BACH2: variants seen among roughly 807,000 people sequenced by gnomAD.
The protein encoded by BACH2 is transcription regulator protein BACH2.
BACH2 carries 5 observed loss-of-function variants against 61.8 expected under a neutral mutation model. The ratio of observed to expected loss-of-function variants is 0.08; its 90% CI spans 0.04 to 0.17. BACH2 has a LOEUF of 0.17. Ranked by LOEUF, BACH2 falls within the 10% of genes least tolerant of loss-of-function variation. The pLI is 1.00. For missense variants in BACH2, 824 were observed against 1,091.1 expected (o/e 0.76, Z 3.45); for synonymous variants, 446 against 440.1 (o/e 1.01, Z -0.17).
At chr6:90,277,177 T>C (rs1473329052) in intron 1 of BACH2, among the ~76,000 whole-genome samples, 1 of 152,216 alleles carries the variant, frequency 6.6e-6, no homozygotes, top group East Asian at 1.9e-4. Context: ...CAAATAATTA[T>C]GTTGTTCACC....
intron 4 of BACH2, among the ~76,000 whole-genome samples, chr6:90,160,915 C>G (rs1401404069): frequency 3.3e-5 from 5 of 151,938 alleles, no homozygotes; most frequent in Non-Finnish European, 7.4e-5. Context: ...ATGGTGAAAC[C>G]CCATCTTTAC....
chr6:90,178,364 C>T, intron 4 of BACH2, among the ~76,000 whole-genome samples: 1 of 152,198 alleles, frequency 6.6e-6, no homozygotes, highest in African/African-American at 2.4e-5. Flanking sequence ...ACAGCTGAAT[C>T]CTACAGCTGT....
chr6:90,156,639 T>C (rs1405261439), intron 4 of BACH2, among the ~76,000 whole-genome samples: 2 of 152,160 alleles, frequency 1.3e-5, no homozygotes, highest in Non-Finnish European at 2.9e-5. Context: ...TCAGGTGGTC[T>C]TTACTTAGGG....
At chr6:90,100,702 G>GACACACACACACAC (rs372719418) in intron 4 of BACH2, among the ~76,000 whole-genome samples, 4 of 64,252 alleles carry the variant, frequency 6.2e-5, no homozygotes, top group Non-Finnish European at 1.3e-4. Context: ...CACACACACA[G>GACACACACACACAC]ACACACACAC....
At chr6:90,153,798 A>G (rs1784903437) in intron 4 of BACH2, among the ~76,000 whole-genome samples, 1 of 152,226 alleles carries the variant, frequency 6.6e-6, no homozygotes. Context: ...AACCTAGAGA[A>G]AATAATTCTT....
intron 3 of BACH2, among the ~76,000 whole-genome samples, chr6:90,210,524 T>C (rs1769310342): frequency 6.6e-6 from 1 of 152,150 alleles, no homozygotes; most frequent in Non-Finnish European, 1.5e-5. Context: ...TTGCAGCCAA[T>C]TCAGTTTATG....
chr6:90,092,291 A>AAAAAAAAAAAAAAAATATATAT, intron 4 of BACH2, among the ~76,000 whole-genome samples: 35 of 113,798 alleles, frequency 3.1e-4, no homozygotes, highest in African/African-American at 7.5e-4. Context: ...AAAAAAAAAA[A>AAAAAAAAAAAAAAAATATATAT]ATATATATAT....
intron 4 of BACH2, among the ~76,000 whole-genome samples, chr6:90,105,902 C>T (rs1170298038): frequency 2.0e-5 from 3 of 152,174 alleles, no homozygotes; most frequent in Non-Finnish European, 4.4e-5. Context: ...TCCCACATTA[C>T]AACTACAGAT....
chr6:90,233,939 T>C (rs529739833), intron 3 of BACH2, among the ~76,000 whole-genome samples: 1 of 152,292 alleles, frequency 6.6e-6, no homozygotes, highest in Admixed American at 6.5e-5. Context: ...ACCCTCACTG[T>C]CGGCATGTTC....
At chr6:90,295,661 G>C (rs928887309) in intron 1 of BACH2, among the ~76,000 whole-genome samples, 1 of 151,234 alleles carries the variant, frequency 6.6e-6, no homozygotes, top group African/African-American at 2.4e-5. Flanking sequence ...TAGGGTGTGT[G>C]TGTGTGTGTG....
At chr6:90,264,866 G>A (rs1771274581) in intron 2 of BACH2, among the ~76,000 whole-genome samples, 1 of 152,188 alleles carries the variant, frequency 6.6e-6, no homozygotes. Context: ...TAGATTCAAA[G>A]CACCCTCATG....
At chr6:90,141,179 T>C (rs982575955) in intron 4 of BACH2, among the ~76,000 whole-genome samples, 2 of 152,158 alleles carry the variant, frequency 1.3e-5, no homozygotes, top group African/African-American at 2.4e-5. Context: ...CATTTTTTTT[T>C]CCAACTGCTC....
At chr6:89,937,267 T>C (rs538670359) in intron 8 of BACH2, among the ~76,000 whole-genome samples, 1 of 152,150 alleles carries the variant, frequency 6.6e-6, no homozygotes, top group South Asian at 2.1e-4. Flanking sequence ...CAGGTAGGCG[T>C]CCTATCTCTA....
intron 4 of BACH2, among the ~76,000 whole-genome samples, chr6:90,177,967 A>C (rs1259201978): frequency 6.6e-6 from 1 of 152,194 alleles, no homozygotes; most frequent in African/African-American, 2.4e-5. Flanking sequence ...GAAAATGTCC[A>C]CTTTTGTTCT....
intron 4 of BACH2, among the ~76,000 whole-genome samples, chr6:90,102,778 G>A (rs938529322): frequency 3.5e-5 from 5 of 140,898 alleles, no homozygotes; most frequent in South Asian, 2.2e-4. Context: ...CAACAAGAGC[G>A]AAACTCCATT....
intron 4 of BACH2, among the ~76,000 whole-genome samples, chr6:90,162,635 C>T (rs1767443353): frequency 1.3e-5 from 2 of 151,952 alleles, no homozygotes; most frequent in Admixed American, 1.3e-4. Context: ...GAGCAAGAAC[C>T]CTGTTTCAAA....
intron 1 of BACH2, among the ~76,000 whole-genome samples, chr6:90,291,220 A>G (rs1772166789): frequency 6.6e-6 from 1 of 152,186 alleles, no homozygotes; most frequent in African/African-American, 2.4e-5. Context: ...TGTAGTTCCA[A>G]TGACTAGAAT....
At chr6:89,976,742 A>G (rs1451815959) in intron 6 of BACH2, among the ~76,000 whole-genome samples, 3 of 152,176 alleles carry the variant, frequency 2.0e-5, no homozygotes, top group Non-Finnish European at 4.4e-5. Flanking sequence ...ATCATATAAA[A>G]TCTCTATTAC....
chr6:89,932,481 A>C lies in BACH2; in HGVS notation c.2453T>G (p.Val818Gly). 1 of 1,614,002 alleles carries C rather than the reference A, an allele frequency of 6.2e-7. No homozygotes were observed. The highest frequency in any genetic ancestry group is 8.5e-7 in the Non-Finnish European group (1 of 1,180,008). Residue 818 changes from valine (V) to glycine (G), a missense_variant, in exon 9 of 9, where the codon GTG becomes GGG. By Grantham distance (109) the Val-to-Gly change is moderately radical. Around this residue, in one of 8 missense-constraint regions of BACH2, gnomAD observed 135 missense variants for 142.7 expected, o/e 0.95. Transcript: ENST00000257749. Reference protein sequence around the residue: ...GPPLEPRSQTVTVDFCQEMTD... With the variant: ...GPPLEPRSQTGTVDFCQEMTD... ...CATTTCCTGGCAGAAGTCCACGGTC[A>C]CTGTTTGGCTCCTGGGTTCAAGAGG... is the stretch of plus-strand genomic sequence containing the variant.
Sources: allele counts gnomAD v4.1 joint callset (sites outside exome capture counted in the v4.1 genomes callset), GRCh38; gene constraint gnomAD v4.1.1; regional missense constraint gnomAD v4.1.1; transcripts MANE v1.5; gene names NCBI Gene and HGNC (gene_info 2026-07-23, HGNC 2026-07-21).